Variants in SPAG9 observed in about 807,000 individuals in gnomAD.
SPAG9 encodes the protein sperm associated antigen 9, also known as C-Jun-amino-terminal kinase-interacting protein 4.
In SPAG9, 35 loss-of-function variants were observed where a neutral mutation model predicts 166.5. The observed-to-expected ratio is 0.21, with a 90% CI of 0.16 to 0.28. SPAG9 has a LOEUF of 0.28. Among genes scored for constraint, SPAG9 ranks in the 10% least tolerant of loss-of-function variants. The pLI, the probability that SPAG9 is intolerant of heterozygous loss-of-function variation, is 1.00. For missense variants in SPAG9, 1,235 were observed against 1,603.3 expected, an observed-to-expected ratio of 0.77 and a Z score of 3.92; for synonymous variants, 534 against 565.5, an observed-to-expected ratio of 0.94 and a Z score of 0.79.
Position 51,010,071 on chromosome 17 carries a change from A to C in SPAG9, c.1214-2745T>G, listed in dbSNP as rs577018104. ...TTAAAAACAAGCAAAATAAAAAAAA[A>C]ACTGCCTGGCAGTTTTTAAAATCAC... On this transcript the variant is annotated intron_variant, in intron 9 of 29. Coordinates refer to ENST00000262013, the MANE Select transcript of SPAG9 (RefSeq NM_001130528.3). 3.9e-5 allele frequency among the ~76,000 whole-genome samples: 6 copies of C among 152,288 alleles called. No individual in the cohort carries two copies. The East Asian group carries it at 1.2e-3, about 29-fold the overall frequency.
At chr17:51,079,834 T>C in intron 1 of SPAG9, 130 bp from the exon 2 acceptor site, 1 of 579,806 alleles carries the variant, frequency 1.7e-6, no homozygotes. Context: ...TGACCTTGGG[T>C]TGATTTTTAG....
chr17:51,102,411 A>C (rs1426769963), intron 1 of SPAG9, among the ~76,000 whole-genome samples: 1 of 151,790 alleles, frequency 6.6e-6, no homozygotes, highest in Admixed American at 6.6e-5. Flanking sequence ...CTGCAAAAAA[A>C]AAAAAAAGAA....
intron 1 of SPAG9, among the ~76,000 whole-genome samples, chr17:51,104,699 C>T (rs1383824155): frequency 6.6e-6 from 1 of 151,708 alleles, no homozygotes; most frequent in Non-Finnish European, 1.5e-5. Flanking sequence ...TTTGGAAGGC[C>T]GAGGCGGGCG....
chr17:51,075,067 G>T (rs2047928284), intron 2 of SPAG9, among the ~76,000 whole-genome samples: 1 of 150,958 alleles, frequency 6.6e-6, no homozygotes, highest in Non-Finnish European at 1.5e-5. Flanking sequence ...ATAATGACGG[G>T]TGCCTGTAAT....
chr17:51,108,506 G>T (rs937145660), intron 1 of SPAG9, among the ~76,000 whole-genome samples: 12 of 151,996 alleles, frequency 7.9e-5, no homozygotes, highest in South Asian at 2.1e-4. Context: ...TTGAGACAGG[G>T]TCTTGCTCTG....
intron 6 of SPAG9, chr17:51,031,392 C>T: frequency 4.8e-6 from 2 of 416,142 alleles, no homozygotes; most frequent in South Asian, 2.6e-5. Flanking sequence ...GAAAGTATAC[C>T]ATTACATAGA....
chr17:51,001,929 G>A, intron 12 of SPAG9, 84 bp from the exon 13 acceptor site: 1 of 1,297,190 alleles, frequency 7.7e-7, no homozygotes, highest in Non-Finnish European at 1.1e-6. Flanking sequence ...AAATCTTTCA[G>A]TTTTTAAGCA....
At chr17:51,035,548 G>A (rs528638269) in intron 5 of SPAG9, among the ~76,000 whole-genome samples, 1 of 152,330 alleles carries the variant, frequency 6.6e-6, no homozygotes, top group South Asian at 2.1e-4. Flanking sequence ...CACAAATGGA[G>A]GAGGATGGAA....
chr17:51,034,490 C>A (rs1372327272), intron 5 of SPAG9, among the ~76,000 whole-genome samples: 2 of 152,058 alleles, frequency 1.3e-5, no homozygotes, highest in African/African-American at 4.8e-5. Flanking sequence ...GTCAAAAGAG[C>A]ACAGGAGCCA....
intron 6 of SPAG9, among the ~76,000 whole-genome samples, chr17:51,024,676 G>A (rs576172156): frequency 1.3e-5 from 2 of 148,512 alleles, no homozygotes; most frequent in South Asian, 4.2e-4. Flanking sequence ...TTGCACCATT[G>A]CACTCCAGTC....
In SPAG9 at chr17:51,001,293, A is replaced by G. The variant is rs560940531; in HGVS notation, c.1607+422T>C. Among the ~76,000 whole-genome samples the G allele has an allele frequency of 3.3e-5, 5 of 152,366 alleles. No homozygotes were observed. The South Asian group carries it at 8.3e-4, about 25-fold the overall frequency. The stretch of plus-strand genomic sequence containing the variant: ...CATCTGACTGAAAGATACCAATGGA[A>G]GGGTGTACTTGGCATGAACAGTTAG... On this transcript the variant is annotated intron_variant, in intron 13 of 29. Coordinates refer to ENST00000262013, the MANE Select transcript of SPAG9 (RefSeq NM_001130528.3).
chr17:51,014,396 G>T, intron 8 of SPAG9, 43 bp from the exon 9 acceptor site: 9 of 1,565,352 alleles, frequency 5.7e-6, no homozygotes, highest in Non-Finnish European at 7.8e-6. Flanking sequence ...AAATGACAAA[G>T]ACTTTTTTGA....
rs542940462 is a variant in SPAG9, at chr17:51,076,299, T to C, written c.424+3285A>G. 4.6e-5 allele frequency among the ~76,000 whole-genome samples: 7 copies of C among 151,988 alleles called. No homozygotes were observed. The East Asian group carries it at 1.2e-3, about 25-fold the overall frequency. ...TTAGCCAGGCATGGTGGCTTGTGACTGTAGTCTCAGTTACTCAGGAGGCTG... is the reference window on the plus strand; with the variant it reads ...TTAGCCAGGCATGGTGGCTTGTGACCGTAGTCTCAGTTACTCAGGAGGCTG... On this transcript the variant is annotated intron_variant, in intron 2 of 29. Transcript: ENST00000262013.
intron 2 of SPAG9, among the ~76,000 whole-genome samples, chr17:51,067,006 T>C (rs1283193373): frequency 6.6e-6 from 1 of 152,218 alleles, no homozygotes; most frequent in Non-Finnish European, 1.5e-5. Context: ...GAAACTGTTT[T>C]ATGACTTTGT....
intron 2 of SPAG9, among the ~76,000 whole-genome samples, chr17:51,070,254 G>C (rs980562236): frequency 6.6e-6 from 1 of 152,166 alleles, no homozygotes; most frequent in Non-Finnish European, 1.5e-5. Context: ...GGCAACAGAA[G>C]CTTCCTAAGA....
intron 26 of SPAG9, among the ~76,000 whole-genome samples, chr17:50,978,950 G>A (rs1311838324): frequency 6.6e-6 from 1 of 152,172 alleles, no homozygotes; most frequent in Admixed American, 6.5e-5. Flanking sequence ...GGGGTAAAAG[G>A]ATAGTGGTAG....
At chr17:50,996,503 C>T in intron 16 of SPAG9, 62 bp downstream of exon 16, 1 of 1,591,022 alleles carries the variant, frequency 6.3e-7, no homozygotes, top group African/African-American at 1.3e-5. Context: ...CCTTCATGCC[C>T]ACGCACACTC....
At chr17:50,972,625 A>T (rs552490601) in intron 28 of SPAG9, among the ~76,000 whole-genome samples, 1 of 152,236 alleles carries the variant, frequency 6.6e-6, no homozygotes, top group Non-Finnish European at 1.5e-5. Context: ...CCTTTGGTCA[A>T]ACTACACAGA....
intron 1 of SPAG9, among the ~76,000 whole-genome samples, chr17:51,094,205 C>A (rs188313898): frequency 6.6e-6 from 1 of 152,270 alleles, no homozygotes; most frequent in African/African-American, 2.4e-5. Context: ...TAAACTGTAT[C>A]CAGGCACACA....
Sources: allele counts gnomAD v4.1 joint callset (sites outside exome capture counted in the v4.1 genomes callset), GRCh38; gene constraint gnomAD v4.1.1; transcripts MANE v1.5; gene names NCBI Gene and HGNC (gene_info 2026-07-23, HGNC 2026-07-21).